MNT: variants seen among roughly 807,000 people sequenced by gnomAD.
MNT encodes max-binding protein MNT.
A neutral mutation model predicts 40.7 loss-of-function variants in MNT; 13 were observed. That is an observed-to-expected ratio of 0.32 (90% CI 0.21 to 0.51). MNT has a LOEUF of 0.51. Ranked by LOEUF, MNT falls within the 20% of genes least tolerant of loss-of-function variation. The pLI is 0.98. For missense variants in MNT, 757 were observed against 792.0 expected, an observed-to-expected ratio of 0.96 and a Z score of 0.53; for synonymous variants, 426 against 354.8, an observed-to-expected ratio of 1.20 and a Z score of -2.26.
intron 4 of MNT, chr17:2,390,285 T>C (rs2066502899): frequency 6.6e-6 from 1 of 152,348 alleles, no homozygotes; most frequent in Non-Finnish European, 1.5e-5. Context: ...CTTCCCTGCA[T>C]CGCAGGGAGA....
In MNT at chr17:2,387,614, C is replaced by T. The variant is rs781414527; in HGVS notation, c.1036G>A (p.Asp346Asn). The T allele has an allele frequency of 1.2e-6, 2 of 1,614,074 alleles. No individual in the cohort carries two copies. Among genetic ancestry groups the T allele is most frequent in the Admixed American group, 1.7e-5 (1 of 60,020 alleles). ...EDNIDEDMEEDRAGLGPPKLS... is the reference protein window; with the variant it reads ...EDNIDEDMEENRAGLGPPKLS... ...TTAGGTGGGCCCAGGCCCGCCCGGT[C>T]CTCCTCCATATCCTCGTCTATGTTG... Residue 346 changes from aspartate to asparagine, a missense_variant, in exon 6 of 6, where the codon GAC becomes AAC. Physicochemically the swap from Asp to Asn is conservative, Grantham distance 23. Around this residue, in one of 4 missense-constraint regions of MNT, gnomAD observed 345 missense variants for 380.1 expected, o/e 0.91. Coordinates refer to ENST00000174618, the MANE Select transcript of MNT (RefSeq NM_020310.3).
chr17:2,395,407 T>TCTG lies in MNT; in HGVS notation c.118_120dup (p.Gln40dup). The TCTG allele has an allele frequency of 6.2e-7, 1 of 1,613,462 alleles. No homozygotes were observed. Among genetic ancestry groups the TCTG allele is most frequent in the Non-Finnish European group, 8.5e-7 (1 of 1,179,878 alleles). ...AGCCTGGCCAGGCTATTGGCCTTCT[T>TCTG]CTGTTCCTGCTCTCGCTCCTGCTCC... is the stretch of plus-strand genomic sequence containing the variant. On this transcript the variant is annotated inframe_insertion, in exon 2 of 6. Transcript: ENST00000174618.
intron 1 of MNT, among the ~76,000 whole-genome samples, chr17:2,396,258 C>T (rs2066578181): frequency 6.6e-6 from 1 of 152,196 alleles, no homozygotes; most frequent in African/African-American, 2.4e-5. Context: ...ACACTTCGTC[C>T]CTCTCTGACC....
intron 4 of MNT, among the ~76,000 whole-genome samples, chr17:2,392,327 G>A (rs1360880616): frequency 1.3e-5 from 2 of 152,194 alleles, no homozygotes; most frequent in Non-Finnish European, 2.9e-5. Context: ...CTTCTGCACA[G>A]CCTGAGTGAG....
chr17:2,396,539 G>C (rs1442355861), intron 1 of MNT: 1 of 152,326 alleles, frequency 6.6e-6, no homozygotes, highest in African/African-American at 2.4e-5. Flanking sequence ...CTCTTCAATG[G>C]GGGCTGAGCA....
At chr17:2,389,111 C>G (rs554516820) in intron 4 of MNT, among the ~76,000 whole-genome samples, 2 of 152,178 alleles carry the variant, frequency 1.3e-5, no homozygotes, top group African/African-American at 4.8e-5. Flanking sequence ...GCCCGTGCTC[C>G]AAGACCACAT....
chr17:2,384,961 G>A lies in MNT; in HGVS notation c.*1940C>T, dbSNP rs142677205. ...GGAGAGGTGGGCAGGCTGAGGGGAG[G>A]GGCGAGCTCCACGAGGCTGCTCTAA... On this transcript the variant is annotated 3_prime_UTR_variant, in exon 6 of 6. Coordinates refer to ENST00000174618, the MANE Select transcript of MNT (RefSeq NM_020310.3). 1,303 of 152,520 alleles carry A rather than the reference G, an allele frequency of 8.5e-3. 8 individuals carry two copies. The highest frequency in any genetic ancestry group is 0.014 in the South Asian group (69 of 4,830). The allele number at this position is 152,520 out of a possible 1,614,324, so 9.4% of individuals were successfully genotyped here. A position where few individuals can be genotyped will look rare whatever the true frequency, so the allele number is the denominator to read the frequency against.
At chr17:2,393,893 G>C (rs957496453) in intron 4 of MNT, 150 bp downstream of exon 4, 3 of 406,022 alleles carry the variant, frequency 7.4e-6, no homozygotes, top group East Asian at 8.9e-5. Context: ...GCTGACGTCA[G>C]CCGGGCCATG....
chr17:2,387,339 G>A lies in MNT; in HGVS notation c.1311C>T (p.Gly437=), dbSNP rs1265535054. 5 of 1,612,280 alleles carry A rather than the reference G, an allele frequency of 3.1e-6. No individual in the cohort carries two copies. In the Admixed American group the frequency reaches 6.7e-5, roughly 22 times the overall value. The stretch of plus-strand genomic sequence containing the variant: ...TGGCTGTGTGGGCGATGACCGTGGA[G>A]CCACCCCCAGCCGTCGCCACCAGAT... ...PAHLVATAGG[G]STVIAHTATT... is the part of the protein sequence containing the mutation. The change falls in exon 6 of 6, where the codon GGC becomes GGT. Residue 437 remains glycine, a synonymous_variant. Coordinates refer to ENST00000174618, the MANE Select transcript of MNT (RefSeq NM_020310.3).
In MNT at chr17:2,395,311, G is replaced by A. The variant is rs1010193909; in HGVS notation, c.217C>T (p.Pro73Ser). The change falls in exon 2 of 6, where the codon CCG becomes TCG. Residue 73 changes from proline to serine, a missense_variant. Transcript: ENST00000174618. ...GCAAGTGGTGGTGGGGGTGCCGGCG[G>A]GGGAGCCGGTGGAGACAGAGGCAGG... is the stretch of plus-strand genomic sequence containing the variant. ...PPLPLSPPAP[P>S]PAPPPPLATP... The A allele has an allele frequency of 6.2e-7, 1 of 1,601,038 alleles. No homozygotes were observed. Among genetic ancestry groups the A allele is most frequent in the Non-Finnish European group, 8.5e-7 (1 of 1,173,664 alleles).
chr17:2,386,806 T>C lies in MNT; in HGVS notation c.*95A>G. 2 of 1,324,274 alleles carry C rather than the reference T, an allele frequency of 1.5e-6. No homozygotes were observed. Among genetic ancestry groups the C allele is most frequent in the South Asian group, 3.5e-5 (2 of 57,760 alleles). 82.0% of individuals were successfully genotyped at this position (1,324,274 alleles called of 1,614,324 possible). A position where few individuals can be genotyped will look rare whatever the true frequency, so the allele number is the denominator to read the frequency against. On this transcript the variant is annotated 3_prime_UTR_variant, in exon 6 of 6. Coordinates refer to ENST00000174618, the MANE Select transcript of MNT (RefSeq NM_020310.3). ...CTGGGGGTGGGTGGGGGGGCTGGCC[T>C]GGGCCTGGCTGGAATGTGTGGAGCT...
rs569504017 is a variant in MNT at position 2,388,386 on chromosome 17, C to T, written c.808-337G>A. On this transcript the variant is annotated intron_variant, in intron 4 of 5. Coordinates refer to ENST00000174618, the MANE Select transcript of MNT (RefSeq NM_020310.3). ...TCCAGCAGCCTCTTCACTTTGCACA[C>T]TTCTGCCGCGAGCTACCCTCTAAGG... 39 of 287,248 alleles carry T rather than the reference C, an allele frequency of 1.4e-4. No homozygotes were observed. In the Admixed American group the frequency reaches 1.5e-3, roughly 11 times the overall value. 17.8% of individuals were successfully genotyped at this position (287,248 alleles called of 1,614,324 possible). A position where few individuals can be genotyped will look rare whatever the true frequency, so the allele number is the denominator to read the frequency against.
In MNT at chr17:2,387,041, G is replaced by A. The variant is rs201293144; in HGVS notation, c.1609C>T (p.Pro537Ser). The A allele has an allele frequency of 2.1e-4, 319 of 1,554,348 alleles. 1 individual carries two copies. The African/African-American group carries it at 3.3e-3, about 16-fold the overall frequency. The change falls in exon 6 of 6, where the codon CCC (proline) becomes TCC (serine). Residue 537 changes from proline (P) to serine (S), a missense_variant. Physicochemically the swap from Pro to Ser is moderately conservative, Grantham distance 74. Transcript: ENST00000174618. ...GGCTTTGCCATGACAGTAGCCGGGG[G>A]CCCCAGGCCGGCCGTGCCGTTGACT... The part of the protein sequence containing the change: ...QQVNGTAGLG[P>S]PATVMAKPAV...
intron 4 of MNT, chr17:2,391,942 T>C (rs541022968): frequency 6.6e-6 from 1 of 152,400 alleles, no homozygotes; most frequent in South Asian, 2.1e-4. Flanking sequence ...GTGCCTCACT[T>C]TTATTTCCAA....
At position 2,386,552 on chromosome 17, in the gene MNT, C is replaced by CG. The variant is rs2066463537; in HGVS notation, c.*348dup. ...CAATAGCAGCAGCAGCACACGAAGGCGGGGCAGGGCGGGGGAGAAGTCAGG... is the reference window on the plus strand; with the variant it reads ...CAATAGCAGCAGCAGCACACGAAGGCGGGGGCAGGGCGGGGGAGAAGTCAGG... On this transcript the variant is annotated 3_prime_UTR_variant, in exon 6 of 6. Transcript: ENST00000174618. The CG allele has an allele frequency of 3.8e-6, 1 of 266,158 alleles. No individual in the cohort carries two copies. The highest frequency in any genetic ancestry group is 7.1e-6 in the Non-Finnish European group (1 of 140,388). The allele number at this position is 266,158 out of a possible 1,614,324, so 16.5% of individuals were successfully genotyped here.
At chr17:2,390,054 T>C (rs1403426879) in intron 4 of MNT, 1 of 152,056 alleles carries the variant, frequency 6.6e-6, no homozygotes, top group Non-Finnish European at 1.5e-5. Context: ...TCATACAAAG[T>C]CTCTCACATA....
Position 2,386,156 on chromosome 17 carries a change from C to A in MNT, c.*745G>T, listed in dbSNP as rs2066457623. On this transcript the variant is annotated 3_prime_UTR_variant, in exon 6 of 6. Transcript: ENST00000174618. ...CAAGTCCCTCCTTCCCCACCTCAGC[C>A]TGCCCTCCTGAGGTCCAGAGCCCAG... The A allele has an allele frequency of 6.6e-6, 1 of 152,278 alleles. No homozygotes were observed. Among genetic ancestry groups the A allele is most frequent in the African/African-American group, 2.4e-5 (1 of 41,450 alleles). The allele number at this position is 152,278 out of a possible 1,614,324, so 9.4% of individuals were successfully genotyped here.
rs751691177 is a variant in MNT at position 2,394,263 on chromosome 17, GCGCA to G, written c.695+38_695+41del. Reference sequence around the variant, plus strand: ...AGGGCCGCCGGGGCCCGGGTCGCGCGCGCACGCACGCACGCACACACACACACAC... The same window carrying G: ...AGGGCCGCCGGGGCCCGGGTCGCGCGCGCACGCACGCACACACACACACAC... On this transcript the variant is annotated intron_variant, in intron 3 of 5. Coordinates refer to ENST00000174618, the MANE Select transcript of MNT (RefSeq NM_020310.3). The G allele has an allele frequency of 1.0e-3, 1,574 of 1,514,280 alleles. 8 individuals are homozygous for G. The highest frequency in any genetic ancestry group is 3.0e-3 in the South Asian group (258 of 84,918). The allele number at this position is 1,514,280 out of a possible 1,614,324, so 93.8% of individuals were successfully genotyped here.
intron 1 of MNT, chr17:2,400,339 A>G: frequency 6.5e-6 from 2 of 307,756 alleles, no homozygotes; most frequent in Non-Finnish European, 1.2e-5. Flanking sequence ...CCTCAGTGCC[A>G]CCGAGGGCTC....
Sources: gnomAD v4.1 joint callset for allele counts (sites outside exome capture counted in the v4.1 genomes callset) on GRCh38, gnomAD v4.1.1 for gene constraint, gnomAD v4.1.1 regional missense constraint, MANE v1.5 for transcripts, NCBI Gene and HGNC (gene_info 2026-07-23, HGNC 2026-07-21) for gene names.